The following ABCA2 variants were observed in gnomAD, a reference collection of about 807,000 sequenced individuals.
ABCA2 encodes ATP binding cassette subfamily A member 2.
A neutral mutation model predicts 262.8 loss-of-function variants in ABCA2; 84 were observed. The observed-to-expected ratio is 0.32, with a 90% CI of 0.27 to 0.38. The LOEUF (loss-of-function observed/expected upper bound fraction) is 0.38, where lower values mean the gene tolerates loss of function less well. ABCA2 is among the 10% of genes least tolerant of loss of function. The probability of loss-of-function intolerance (pLI) is 1.00; values close to 1 mark genes in which losing one functional copy is unlikely to be tolerated. For missense variants in ABCA2, 2,662 were observed against 3,405.9 expected (o/e 0.78, Z 5.44); for synonymous variants, 1,696 against 1,502.9 (o/e 1.13, Z -2.97).
Position 137,019,357 on chromosome 9 carries a change from C to T in ABCA2, c.1426-51G>A. On this transcript the variant is annotated intron_variant, in intron 10 of 48. Transcript: ENST00000341511. This position sits in a 1 kb window ranked among gnomAD's most constrained non-coding sequence, Gnocchi z 4.4. ...GAGTTTCTGGACGGACCCCCACCGA[C>T]TTGGGGGCTCTCACCCCACTCACCT... 1 of 1,594,048 alleles carries T rather than the reference C, an allele frequency of 6.3e-7. No individual in the cohort carries two copies. Among genetic ancestry groups the T allele is most frequent in the African/African-American group, 1.3e-5 (1 of 74,552 alleles).
chr9:137,018,783 G>T lies in ABCA2; in HGVS notation c.1755C>A (p.Asp585Glu). 6.2e-7 allele frequency: 1 copy of T among 1,612,702 alleles called. No homozygotes were observed. Among genetic ancestry groups the T allele is most frequent in the Non-Finnish European group, 8.5e-7 (1 of 1,179,862 alleles). Residue 585 changes from aspartate (D) to glutamate (E), a missense_variant, in exon 13 of 49, where the codon GAC (aspartate) becomes GAA (glutamate). Asp to Glu is a conservative substitution (Grantham distance 45, BLOSUM62 2). Transcript: ENST00000341511. ...GGGTGTAGTTGACAATGCTCTCCTC[G>T]TCGGGGAAGCCCTTGAAGATGTCCA... ...VSVDIFKGFP[D>E]EESIVNYTLN... is the part of the protein sequence containing the mutation.
In ABCA2 at chr9:137,011,104, G is replaced by A; in HGVS notation, c.5925C>T (p.Gly1975=). The A allele has an allele frequency of 3.7e-6, 6 of 1,612,312 alleles. No homozygotes were observed. Among genetic ancestry groups the A allele is most frequent in the Non-Finnish European group, 5.1e-6 (6 of 1,179,806 alleles). Residue 1975 remains glycine (G), a splice_region_variant and synonymous_variant, in exon 39 of 49, where the codon GGC becomes GGT. Coordinates refer to ENST00000341511, the MANE Select transcript of ABCA2 (RefSeq NM_001606.5). This position sits in a 1 kb window ranked among gnomAD's most constrained non-coding sequence, Gnocchi z 8.8. ...EYINEYYAKI[G]QFDKMKSPFE... ...ACGGGGACTTCATCTTGTCAAACTG[G>A]CCTGCGGGGAGACAGCTCAGGGCCT...
At chr9:137,024,733 G>A (rs1431736494) in intron 1 of ABCA2, among the ~76,000 whole-genome samples, 1 of 151,850 alleles carries the variant, frequency 6.6e-6, no homozygotes, top group South Asian at 2.1e-4. Flanking sequence ...TGCGCCCAGG[G>A]CCCTGAGCCT....
Position 137,011,039 on chromosome 9 carries a change from G to A in ABCA2, c.5990C>T (p.Ala1997Val), listed in dbSNP as rs573640596. Reference protein sequence around the residue: ...DIVTRGLVAMAVEGVVGFLLT... With the variant: ...DIVTRGLVAMVVEGVVGFLLT... Reference sequence around the variant, plus strand: ...GAGGAAGCCCACGACGCCCTCAACCGCCATGGCCACCAGTCCGCGGGTGAC... The same window carrying A: ...GAGGAAGCCCACGACGCCCTCAACCACCATGGCCACCAGTCCGCGGGTGAC... The change falls in exon 39 of 49, where the codon GCG becomes GTG. Residue 1997 changes from alanine (A) to valine (V), a missense_variant. Transcript: ENST00000341511. This position sits in a 1 kb window ranked among gnomAD's most constrained non-coding sequence, Gnocchi z 8.8. 23 of 1,588,478 alleles carry A rather than the reference G, an allele frequency of 1.4e-5. No individual in the cohort carries two copies. The highest frequency in any genetic ancestry group is 1.4e-4 in the South Asian group (13 of 90,424).
At chr9:137,027,110 G>C (rs568655507) in intron 1 of ABCA2, among the ~76,000 whole-genome samples, 1 of 152,344 alleles carries the variant, frequency 6.6e-6, no homozygotes, top group South Asian at 2.1e-4. Flanking sequence ...GAGGATGTCT[G>C]CCTTAGGCCC....
chr9:137,011,313 CGGGGTGGCCGGGGTCAGGGGCACA>C lies in ABCA2; in HGVS notation c.5800-28_5800-5del, dbSNP rs776336722. 481 of 1,605,106 alleles carry C rather than the reference CGGGGTGGCCGGGGTCAGGGGCACA, an allele frequency of 3.0e-4. No individual in the cohort carries two copies. The Middle Eastern group carries it at 3.3e-3, about 11-fold the overall frequency. On this transcript the variant is annotated splice_region_variant and splice_polypyrimidine_tract_variant and intron_variant, in intron 37 of 48. Coordinates refer to ENST00000341511, the MANE Select transcript of ABCA2 (RefSeq NM_001606.5). This position sits in a 1 kb window ranked among gnomAD's most constrained non-coding sequence, Gnocchi z 8.8. ...AACTGTTGACAACCTTCAGGTCCTG[CGGGGTGGCCGGGGTCAGGGGCACA>C]GGGGTGGCCGGGGTGAGGGGCACAG...
Position 137,007,973 on chromosome 9 carries a change from A to T in ABCA2, c.7276-9T>A. 6.2e-7 allele frequency: 1 copy of T among 1,603,086 alleles called. No individual in the cohort carries two copies. The stretch of plus-strand genomic sequence containing the variant: ...TTGAAGGACAGCTGGGCCTGTGCAC[A>T]GGGGAGGTCAGGCTTATGGGGCATC... On this transcript the variant is annotated splice_polypyrimidine_tract_variant and intron_variant, in intron 48 of 48. Coordinates refer to ENST00000341511, the MANE Select transcript of ABCA2 (RefSeq NM_001606.5).
Position 137,020,360 on chromosome 9 carries a change from A to G in ABCA2, c.1401T>C (p.Ser467=). 1 of 1,612,964 alleles carries G rather than the reference A, an allele frequency of 6.2e-7. No individual in the cohort carries two copies. The highest frequency in any genetic ancestry group is 8.5e-7 in the Non-Finnish European group (1 of 1,179,982). Residue 467 remains serine, a synonymous_variant, in exon 10 of 49, where the codon TCT becomes TCC. Coordinates refer to ENST00000341511, the MANE Select transcript of ABCA2 (RefSeq NM_001606.5). ...NPKILYAPAG[S]EVDRVILKAN... ...CCTTGAGGATGACGCGGTCGACCTCAGAGCCCGCAGGCGCGTACAGGATTT... is the reference window on the plus strand; with the variant it reads ...CCTTGAGGATGACGCGGTCGACCTCGGAGCCCGCAGGCGCGTACAGGATTT...
At position 137,021,367 on chromosome 9, in the gene ABCA2, G is replaced by A. The variant is rs189639492; in HGVS notation, c.897+25C>T. ...CAACTCAGGCAGCAAGCAGCGCAGC[G>A]GGCAGTGGGCAGGCAGGGCCTCACC... On this transcript the variant is annotated intron_variant, in intron 8 of 48. Coordinates refer to ENST00000341511, the MANE Select transcript of ABCA2 (RefSeq NM_001606.5). This position sits in a 1 kb window ranked among gnomAD's most constrained non-coding sequence, Gnocchi z 6.0. The A allele has an allele frequency of 0.011, 17,166 of 1,598,534 alleles. 112 individuals are homozygous for A. The highest frequency in any genetic ancestry group is 0.015 in the Middle Eastern group (69 of 4,550).
In ABCA2 at chr9:137,020,469, CG is replaced by C; in HGVS notation, c.1291del (p.Arg431GlyfsTer4). ...NRTIEPEALRRGNMSSLGFTS... is the reference protein window; with the variant it reads ...NRTIEPEALRXGNMSSLGFTS... ...GAAGCCCAGGGAGCTCATGTTGCCC[CG>C]CCGCAGCGCCTCGGGTTCAATGGTG... On this transcript the variant is annotated frameshift_variant, in exon 10 of 49. Coordinates refer to ENST00000341511, the MANE Select transcript of ABCA2 (RefSeq NM_001606.5). LOFTEE classifies it high-confidence loss of function. 1 of 1,605,092 alleles carries C rather than the reference CG, an allele frequency of 6.2e-7. No individual in the cohort carries two copies.
At position 137,017,211 on chromosome 9, in the gene ABCA2, G is replaced by A. The variant is rs754275293; in HGVS notation, c.2538C>T (p.Phe846=). 61 of 1,612,452 alleles carry A rather than the reference G, an allele frequency of 3.8e-5. No individual in the cohort carries two copies. Among genetic ancestry groups the A allele is most frequent in the Middle Eastern group, 3.3e-4 (2 of 6,084 alleles). ...EEVAHDKITA[F]EKCIASLMST... ...CGACCCTCACCGCGATGCACTTCTC[G>A]AAGGCCGTGATCTTATCATGCGCCA... is the stretch of plus-strand genomic sequence containing the variant. The change falls in exon 18 of 49, where the codon TTC becomes TTT. Residue 846 remains phenylalanine (F), a synonymous_variant. Transcript: ENST00000341511.
chr9:137,020,646 C>A, intron 9 of ABCA2, 48 bp downstream of exon 9: 1 of 1,591,012 alleles, frequency 6.3e-7, no homozygotes, highest in South Asian at 1.1e-5. Flanking sequence ...GGCTCACGCC[C>A]TGCCCCTGGC....
At position 137,021,064 on chromosome 9, in the gene ABCA2, G is replaced by A. The variant is rs891614532; in HGVS notation, c.898-3C>T. ...CCGTTGGGGGCATCCAGGCCCAGCTGAGGGGAAACAGGCACGTGGGCAGTG... is the reference window on the plus strand; with the variant it reads ...CCGTTGGGGGCATCCAGGCCCAGCTAAGGGGAAACAGGCACGTGGGCAGTG... On this transcript the variant is annotated splice_polypyrimidine_tract_variant and splice_region_variant and intron_variant, in intron 8 of 48. Transcript: ENST00000341511. The surrounding 1 kb of genome is among the most constrained non-coding windows in gnomAD (Gnocchi z 6.0). 2.7e-6 allele frequency: 4 copies of A among 1,474,718 alleles called. No individual in the cohort carries two copies. Among genetic ancestry groups the A allele is most frequent in the Non-Finnish European group, 3.6e-6 (4 of 1,111,072 alleles). 91.4% of individuals were successfully genotyped at this position (1,474,718 alleles called of 1,614,324 possible).
Position 137,021,661 on chromosome 9 carries a change from A to C in ABCA2, c.679-51T>G. ...AGCCACGGCAAGGACTTTGTCCCCA[A>C]CCACTAGGGCCTCAGGCCTCACCCT... is the stretch of plus-strand genomic sequence containing the variant. On this transcript the variant is annotated intron_variant, in intron 7 of 48. Coordinates refer to ENST00000341511, the MANE Select transcript of ABCA2 (RefSeq NM_001606.5). This position sits in a 1 kb window ranked among gnomAD's most constrained non-coding sequence, Gnocchi z 6.0. 6.6e-7 allele frequency: 1 copy of C among 1,518,290 alleles called. No individual in the cohort carries two copies. Among genetic ancestry groups the C allele is most frequent in the Non-Finnish European group, 8.9e-7 (1 of 1,127,798 alleles). 94.1% of individuals were successfully genotyped at this position (1,518,290 alleles called of 1,614,324 possible).
intron 26 of ABCA2, 38 bp downstream of exon 26, chr9:137,014,652 G>T: frequency 6.3e-7 from 1 of 1,589,966 alleles, no homozygotes; most frequent in South Asian, 1.1e-5. Flanking sequence ...GGGGCCTTGT[G>T]GGTGGGGTGG....
At chr9:137,024,413 G>A (rs910861495) in intron 1 of ABCA2, among the ~76,000 whole-genome samples, 177 bp from the exon 2 acceptor site, 1 of 152,216 alleles carries the variant, frequency 6.6e-6, no homozygotes, top group East Asian at 1.9e-4. Flanking sequence ...GGCACTGAGG[G>A]TAAGGATTGT....
chr9:137,012,278 G>A lies in ABCA2; in HGVS notation c.5286C>T (p.Asn1762=), dbSNP rs779981938. ...LRANLPKSKG[N]PAAYGITVTN... ...ATGTCAGCTCACCGTAAGCCGCCGG[G>A]TTGCCCTTGCTCTTGGGCAGGTTGG... Residue 1762 remains asparagine, a synonymous_variant, in exon 33 of 49, where the codon AAC becomes AAT. Transcript: ENST00000341511. 15 of 1,609,922 alleles carry A rather than the reference G, an allele frequency of 9.3e-6. No individual in the cohort carries two copies. In the South Asian group the frequency reaches 1.4e-4, roughly 15 times the overall value.
chr9:137,015,760 G>A lies in ABCA2; in HGVS notation c.3429C>T (p.Arg1143=), dbSNP rs373937230. The A allele has an allele frequency of 5.5e-5, 89 of 1,612,346 alleles. No individual in the cohort carries two copies. The highest frequency in any genetic ancestry group is 2.7e-4 in the South Asian group (25 of 91,062). Residue 1143 remains arginine, a synonymous_variant, in exon 23 of 49, where the codon CGC becomes CGT. Transcript: ENST00000341511. ...SVAIAFVGGS[R]AIILDEPTAG... is the part of the protein sequence containing the mutation. ...CCGTGGGCTCGTCCAGGATGATGGC[G>A]CGAGAGCCGCCCACGAAGGCGATGG...
In ABCA2 at chr9:137,020,860, C is replaced by T. The variant is rs367552369; in HGVS notation, c.1099G>A (p.Ala367Thr). Residue 367 changes from alanine (A) to threonine (T), a missense_variant, in exon 9 of 49, where the codon GCG becomes ACG. By Grantham distance (58) the Ala-to-Thr change is moderately conservative. Coordinates refer to ENST00000341511, the MANE Select transcript of ABCA2 (RefSeq NM_001606.5). Reference sequence around the variant, plus strand: ...GCCCCTGCCCCAGTGCCATTGGCCGCCCCACCCGCACCACTGGCTGGGGGT... The same window carrying T: ...GCCCCTGCCCCAGTGCCATTGGCCGTCCCACCCGCACCACTGGCTGGGGGT... ...PGPPASGAGG[A>T]ANGTGAGAVM... The T allele has an allele frequency of 5.3e-5, 82 of 1,543,566 alleles. No individual in the cohort carries two copies. The African/African-American group carries it at 9.6e-4, about 18-fold the overall frequency.
Sources: gnomAD v4.1 joint callset for allele counts (sites outside exome capture counted in the v4.1 genomes callset) on GRCh38, gnomAD v4.1.1 for gene constraint, Gnocchi (gnomAD v3.1) non-coding constraint, MANE v1.5 for transcripts, NCBI Gene and HGNC (gene_info 2026-07-23, HGNC 2026-07-21) for gene names.